The following MARCHF1 variants were observed in gnomAD, a reference collection of about 807,000 sequenced individuals.
MARCHF1 encodes membrane associated ring-CH-type finger 1, also known as E3 ubiquitin-protein ligase MARCHF1.
MARCHF1 carries 40 observed loss-of-function variants against 54.2 expected under a neutral mutation model. That is an observed-to-expected ratio of 0.74 (90% CI 0.57 to 0.96). The LOEUF is 0.96. Among genes scored for constraint, MARCHF1 ranks in the 40% least tolerant of loss-of-function variants. MARCHF1 has a pLI of 0.00. For missense variants in MARCHF1, 586 were observed against 656.5 expected (o/e 0.89, Z 1.17); for synonymous variants, 236 against 236.3 (o/e 1.00, Z 0.01).
At chr4:163,994,592 AAAG>A (rs1753031491) in intron 2 of MARCHF1, among the ~76,000 whole-genome samples, 1 of 152,146 alleles carries the variant, frequency 6.6e-6, no homozygotes, top group South Asian at 2.1e-4. Context: ...TAAAAAAAAG[AAAG>A]AAGTAGTAGT....
intron 5 of MARCHF1, among the ~76,000 whole-genome samples, chr4:163,652,050 T>C (rs1465477990): frequency 1.3e-5 from 2 of 151,774 alleles, no homozygotes; most frequent in Non-Finnish European, 2.9e-5. Context: ...CTTTTGCACA[T>C]GTTATTCCCT....
At chr4:163,916,547 TC>T (rs980905346) in intron 3 of MARCHF1, among the ~76,000 whole-genome samples, 13 of 138,136 alleles carry the variant, frequency 9.4e-5, no homozygotes, top group Admixed American at 9.1e-4. Flanking sequence ...GATCACTGCC[TC>T]CCTGGTGATC....
chr4:163,743,649 G>A (rs1746274658), intron 4 of MARCHF1, among the ~76,000 whole-genome samples: 2 of 150,488 alleles, frequency 1.3e-5, no homozygotes, highest in Admixed American at 1.3e-4. Flanking sequence ...CGCGATCTGG[G>A]CTCACTGCAA....
At chr4:163,847,449 T>C (rs1261165222) in intron 4 of MARCHF1, among the ~76,000 whole-genome samples, 1 of 151,998 alleles carries the variant, frequency 6.6e-6, no homozygotes, top group African/African-American at 2.4e-5. Flanking sequence ...ATTAGAAAAA[T>C]CTTGGCATTT....
intron 2 of MARCHF1, among the ~76,000 whole-genome samples, chr4:164,061,003 T>C (rs963731466): frequency 1.3e-5 from 2 of 152,220 alleles, no homozygotes; most frequent in African/African-American, 4.8e-5. Context: ...TAACAATGGT[T>C]GTGCCATCAC....
At chr4:164,272,738 G>T (rs189355892) in intron 1 of MARCHF1, among the ~76,000 whole-genome samples, 3 of 151,456 alleles carry the variant, frequency 2.0e-5, no homozygotes, top group African/African-American at 7.3e-5. Context: ...TTTTACCATC[G>T]CTCTTTATTC....
intron 4 of MARCHF1, among the ~76,000 whole-genome samples, chr4:163,725,875 AT>A (rs1745637386): frequency 6.6e-6 from 1 of 152,196 alleles, no homozygotes; most frequent in South Asian, 2.1e-4. Flanking sequence ...GTTTTTGTTA[AT>A]TTTTACTAAA....
intron 5 of MARCHF1, among the ~76,000 whole-genome samples, chr4:163,651,084 A>C (rs1579158714): frequency 6.6e-6 from 1 of 151,938 alleles, no homozygotes; most frequent in African/African-American, 2.4e-5. Flanking sequence ...TTAGTTCCAA[A>C]ATCAATGATG....
At chr4:164,313,431 T>A (rs1480886269) in intron 1 of MARCHF1, among the ~76,000 whole-genome samples, 4 of 151,770 alleles carry the variant, frequency 2.6e-5, no homozygotes, top group Admixed American at 6.6e-5. Flanking sequence ...CTTTCCATGA[T>A]GACCTCCCAA....
chr4:164,339,833 T>C (rs1579733761), intron 1 of MARCHF1, among the ~76,000 whole-genome samples: 1 of 151,916 alleles, frequency 6.6e-6, no homozygotes, highest in African/African-American at 2.4e-5. Context: ...ACTAAGAAAA[T>C]AGGAGATAAG....
intron 8 of MARCHF1, among the ~76,000 whole-genome samples, chr4:163,575,384 C>A (rs1740002164): frequency 6.6e-6 from 1 of 152,152 alleles, no homozygotes; most frequent in African/African-American, 2.4e-5. Flanking sequence ...TTGAACCAAT[C>A]TTGCATCCCA....
At chr4:163,957,155 AT>A (rs1222465159) in intron 3 of MARCHF1, among the ~76,000 whole-genome samples, 4 of 115,918 alleles carry the variant, frequency 3.5e-5, no homozygotes, top group Non-Finnish European at 8.3e-5. Flanking sequence ...GCTGACAATA[AT>A]TTTTTCTTTG....
chr4:164,295,944 A>C (rs1040640374), intron 1 of MARCHF1, among the ~76,000 whole-genome samples: 2 of 152,178 alleles, frequency 1.3e-5, no homozygotes, highest in African/African-American at 4.8e-5. Context: ...TTAATGGTGA[A>C]TCTAAAAGCA....
In MARCHF1 at chr4:164,148,142, A is replaced by AACACACAC. The variant is rs10573891; in HGVS notation, c.-322-36488_-322-36481dup. Among the ~76,000 whole-genome samples the AACACACAC allele has an allele frequency of 6.3e-3, 932 of 147,846 alleles. 6 individuals carry two copies. The highest frequency in any genetic ancestry group is 0.02 in the African/African-American group (819 of 40,388). On this transcript the variant is annotated intron_variant, in intron 1 of 9. Transcript: ENST00000514618. ...ATCATGAACCGTGGTTTAAAAAAAT[A>AACACACAC]ACACACACACACACACACACACACA...
At chr4:164,139,640 A>C (rs958927609) in intron 1 of MARCHF1, among the ~76,000 whole-genome samples, 1 of 152,166 alleles carries the variant, frequency 6.6e-6, no homozygotes, top group African/African-American at 2.4e-5. Flanking sequence ...ATATTAGAGG[A>C]GGAGCTGCTC....
At chr4:163,943,748 T>TAAAAAAAAAAAA (rs5863641) in intron 3 of MARCHF1, among the ~76,000 whole-genome samples, 2 of 123,526 alleles carry the variant, frequency 1.6e-5, no homozygotes, top group Admixed American at 8.1e-5. Context: ...AAATAGAAGT[T>TAAAAAAAAAAAA]AAAAAAAAAA....
intron 2 of MARCHF1, among the ~76,000 whole-genome samples, chr4:164,093,517 G>A (rs1408796584): frequency 1.3e-5 from 2 of 152,096 alleles, no homozygotes; most frequent in African/African-American, 4.8e-5. Flanking sequence ...TCACTCTTCT[G>A]TGCTCTGTTA....
chr4:164,116,412 ATTC>A (rs1195575422), intron 1 of MARCHF1, among the ~76,000 whole-genome samples: 3 of 152,080 alleles, frequency 2.0e-5, no homozygotes, highest in African/African-American at 4.8e-5. Flanking sequence ...TGCACTGAAT[ATTC>A]TTCTTCATTT....
chr4:163,587,289 T>C (rs1203284654), intron 7 of MARCHF1, among the ~76,000 whole-genome samples: 1 of 152,220 alleles, frequency 6.6e-6, no homozygotes, highest in African/African-American at 2.4e-5. Context: ...TTAGAAATGT[T>C]GCTTTAAATC....
Sources: gnomAD v4.1 joint callset for allele counts (sites outside exome capture counted in the v4.1 genomes callset) on GRCh38, gnomAD v4.1.1 for gene constraint, MANE v1.5 for transcripts, NCBI Gene and HGNC (gene_info 2026-07-23, HGNC 2026-07-21) for gene names.